C11orf24: variants seen among roughly 807,000 people sequenced by gnomAD.
C11orf24 encodes uncharacterized protein C11orf24.
C11orf24 carries 5 observed loss-of-function variants against 7.3 expected under a neutral mutation model. The ratio of observed to expected loss-of-function variants is 0.69; its 90% confidence interval spans 0.36 to 1.45. C11orf24 has a LOEUF of 1.45. C11orf24 is among the 40% of genes most tolerant of loss of function. C11orf24 has a pLI of 0.03. For synonymous variants in C11orf24, 233 were observed against 235.7 expected, an observed-to-expected ratio of 0.99 and a Z score of 0.11; for missense variants, 566 against 590.5, an observed-to-expected ratio of 0.96 and a Z score of 0.43.
chr11:68,269,383 A>G (rs2098566758), intron 1 of C11orf24, among the ~76,000 whole-genome samples: 1 of 152,188 alleles, frequency 6.6e-6, no homozygotes, highest in African/African-American at 2.4e-5. Context: ...ACCGGCACAA[A>G]TGCTTCTCTC....
At chr11:68,271,136 C>G (rs771545748) in intron 1 of C11orf24, among the ~76,000 whole-genome samples, 2 of 152,152 alleles carry the variant, frequency 1.3e-5, no homozygotes, top group Non-Finnish European at 2.9e-5. Flanking sequence ...ATTTTCCTAG[C>G]TGATTTTATC....
chr11:68,265,225 G>T (rs1275129143), intron 2 of C11orf24, among the ~76,000 whole-genome samples: 1 of 152,226 alleles, frequency 6.6e-6, no homozygotes, highest in Non-Finnish European at 1.5e-5. Context: ...GAGCCATGTG[G>T]CAGTTTAGAT....
intron 2 of C11orf24, among the ~76,000 whole-genome samples, chr11:68,264,633 TCCAC>T (rs2098563965): frequency 5.8e-5 from 2 of 34,596 alleles, no homozygotes; most frequent in Non-Finnish European, 6.4e-5. Context: ...CACCCATCCA[TCCAC>T]CCACTCATCC....
rs758351924 is a variant in C11orf24, at chr11:68,262,902, G to C, written c.93C>G (p.Asn31Lys). The change falls in exon 4 of 4, where the codon AAC becomes AAG. Residue 31 changes from asparagine (N) to lysine (K), a missense_variant. By Grantham distance (94) the Asn-to-Lys change is moderately conservative. Coordinates refer to ENST00000304271, the MANE Select transcript of C11orf24 (RefSeq NM_022338.4). ...ASNDPRNFVP[N>K]KMWKGLVKRN... is the part of the protein sequence containing the mutation. ...TCTTGACTAATCCCTTCCACATTTT[G>C]TTAGGGACAAAGTTGCCTTAAAGTC... 2.5e-5 allele frequency: 40 copies of C among 1,613,318 alleles called. No individual in the cohort carries two copies. The highest frequency in any genetic ancestry group is 3.4e-5 in the Non-Finnish European group (40 of 1,179,722).
chr11:68,271,967 G>C lies in C11orf24; in HGVS notation c.-408C>G, dbSNP rs922860505. On this transcript the variant is annotated 5_prime_UTR_variant, in exon 1 of 4. Transcript: ENST00000304271. The stretch of plus-strand genomic sequence containing the variant: ...CGCAACCCAGGCAGCTCCGGGCAGC[G>C]CGCCCTGCCCGGGCCCCGCCCAAAC... 2 of 152,270 alleles carry C rather than the reference G, an allele frequency of 1.3e-5. No homozygotes were observed. The highest frequency in any genetic ancestry group is 3.9e-4 in the East Asian group (2 of 5,164). 9.4% of individuals were successfully genotyped at this position (152,270 alleles called of 1,614,324 possible). A position where few individuals can be genotyped will look rare whatever the true frequency, so the allele number is the denominator to read the frequency against.
intron 2 of C11orf24, among the ~76,000 whole-genome samples, chr11:68,264,640 ACT>A (rs1432958700): frequency 1.6e-4 from 4 of 24,932 alleles, no homozygotes; most frequent in Non-Finnish European, 3.0e-4. Context: ...CCATCCACCC[ACT>A]CATCCATCCA....
rs746338173 is a variant in C11orf24, at chr11:68,261,621, C to A, written c.*24G>T. On this transcript the variant is annotated 3_prime_UTR_variant, in exon 4 of 4. Transcript: ENST00000304271. ...AGGAAAGGACGAGGAAGGGGCCAGG[C>A]CTCCCGCCAGGCCCCCGCCCCCCTC... The A allele has an allele frequency of 3.8e-6, 6 of 1,582,318 alleles. No individual in the cohort carries two copies. Among genetic ancestry groups the A allele is most frequent in the Non-Finnish European group, 5.2e-6 (6 of 1,159,720 alleles).
Position 68,268,166 on chromosome 11 carries a change from C to G in C11orf24, c.-212G>C, listed in dbSNP as rs1203121955. 1 of 152,396 alleles carries G rather than the reference C, an allele frequency of 6.6e-6. No homozygotes were observed. Among genetic ancestry groups the G allele is most frequent in the African/African-American group, 2.4e-5 (1 of 41,462 alleles). The allele number at this position is 152,396 out of a possible 1,614,324, so 9.4% of individuals were successfully genotyped here. A position where few individuals can be genotyped will look rare whatever the true frequency, so the allele number is the denominator to read the frequency against. The stretch of plus-strand genomic sequence containing the variant: ...GTCTGGCTTTGCAGGGGGTGAAAGC[C>G]ACGTGGTGGGGCACTCCCGGGCCAT... On this transcript the variant is annotated 5_prime_UTR_variant, in exon 2 of 4. Coordinates refer to ENST00000304271, the MANE Select transcript of C11orf24 (RefSeq NM_022338.4).
intron 1 of C11orf24, among the ~76,000 whole-genome samples, chr11:68,271,251 C>T (rs538592045): frequency 6.6e-6 from 1 of 152,262 alleles, no homozygotes; most frequent in South Asian, 2.1e-4. Context: ...GTGTGGAGGC[C>T]GATTCCTCCT....
At chr11:68,263,586 G>T in intron 3 of C11orf24, 106 bp downstream of exon 3, 1 of 1,025,044 alleles carries the variant, frequency 9.8e-7, no homozygotes, top group South Asian at 1.5e-5. Context: ...GGAGGGCTGC[G>T]GTTCCTGACG....
Position 68,262,498 on chromosome 11 carries a change from A to T in C11orf24, c.497T>A (p.Leu166His), listed in dbSNP as rs78460342. Reference sequence around the variant, plus strand: ...TGTGGAAGTGGACGTGGGCGCGGGGAGTGCAAGTGTCATGGGAGTGCTGGA... The same window carrying T: ...TGTGGAAGTGGACGTGGGCGCGGGGTGTGCAAGTGTCATGGGAGTGCTGGA... ...AASSTPMTLALPAPTSTSTGR... is the reference protein window; with the variant it reads ...AASSTPMTLAHPAPTSTSTGR... The change falls in exon 4 of 4, where the codon CTC becomes CAC. Residue 166 changes from leucine to histidine, a missense_variant. Leu to His is a moderately conservative substitution (Grantham distance 99). Coordinates refer to ENST00000304271, the MANE Select transcript of C11orf24 (RefSeq NM_022338.4). 1 of 1,613,828 alleles carries T rather than the reference A, an allele frequency of 6.2e-7. No homozygotes were observed. The highest frequency in any genetic ancestry group is 1.1e-5 in the South Asian group (1 of 91,070).
intron 1 of C11orf24, among the ~76,000 whole-genome samples, chr11:68,269,395 T>C (rs2098566763): frequency 6.6e-6 from 1 of 152,218 alleles, no homozygotes; most frequent in African/African-American, 2.4e-5. Context: ...GCTTCTCTCA[T>C]TGATGAATAT....
intron 2 of C11orf24, among the ~76,000 whole-genome samples, chr11:68,266,232 C>T (rs774367089): frequency 3.9e-5 from 6 of 152,068 alleles, no homozygotes; most frequent in Admixed American, 3.3e-4. Flanking sequence ...TGGGATCACA[C>T]GGGCAAGGAC....
chr11:68,264,533 T>TCCACCCAC (rs1231028104), intron 2 of C11orf24, among the ~76,000 whole-genome samples: 5 of 104,900 alleles, frequency 4.8e-5, no homozygotes, highest in African/African-American at 1.1e-4. Flanking sequence ...CATCCATCCA[T>TCCACCCAC]CCATCCATCC....
chr11:68,261,762 G>A lies in C11orf24; in HGVS notation c.1233C>T (p.Thr411=), dbSNP rs147687907. 6.2e-7 allele frequency: 1 copy of A among 1,614,206 alleles called. No individual in the cohort carries two copies. Among genetic ancestry groups the A allele is most frequent in the Non-Finnish European group, 8.5e-7 (1 of 1,180,052 alleles). ...LLLVVLLLGV[T]LFITVLVLFA... ...ACAAAACCAAGACTGTGATGAAAAG[G>A]GTCACCCCGAGTAACAGCACCACCA... is the stretch of plus-strand genomic sequence containing the variant. The change falls in exon 4 of 4, where the codon ACC becomes ACT. Residue 411 remains threonine (T), a synonymous_variant. Coordinates refer to ENST00000304271, the MANE Select transcript of C11orf24 (RefSeq NM_022338.4).
At position 68,262,648 on chromosome 11, in the gene C11orf24, G is replaced by A. The variant is rs150492129; in HGVS notation, c.347C>T (p.Ala116Val). The A allele has an allele frequency of 1.1e-4, 180 of 1,613,758 alleles. No homozygotes were observed. In the African/African-American group the frequency reaches 1.4e-3, roughly 13 times the overall value. ...GGAGGCCGCAGTCGTAATGGAGGCCGCAGTCGTACTGGAGGCCACAGCCGT... is the reference window on the plus strand; with the variant it reads ...GGAGGCCGCAGTCGTAATGGAGGCCACAGTCGTACTGGAGGCCACAGCCGT... ...APTAVASSTT[A>V]ASITTAASSM... The change falls in exon 4 of 4, where the codon GCG (alanine) becomes GTG (valine). Residue 116 changes from alanine (A) to valine (V), a missense_variant. Coordinates refer to ENST00000304271, the MANE Select transcript of C11orf24 (RefSeq NM_022338.4).
intron 2 of C11orf24, among the ~76,000 whole-genome samples, chr11:68,264,084 G>T (rs562529751): frequency 2.1e-3 from 321 of 152,222 alleles, no homozygotes; most frequent in African/African-American, 7.4e-3. Context: ...ATTTCACTAT[G>T]AATCTCAACC....
intron 2 of C11orf24, chr11:68,267,832 C>A: frequency 6.6e-6 from 1 of 152,338 alleles, no homozygotes; most frequent in South Asian, 2.1e-4. Context: ...CAGCCTGGAC[C>A]ACAGAACCAG....
chr11:68,262,556 G>C lies in C11orf24; in HGVS notation c.439C>G (p.Pro147Ala). ...ASSTTVASIA[P>A]TTAASSMTAA... Reference sequence around the variant, plus strand: ...GTCATACTGGAGGCTGCAGTCGTGGGAGCAATGGAGGCCACAGTTGTACTG... The same window carrying C: ...GTCATACTGGAGGCTGCAGTCGTGGCAGCAATGGAGGCCACAGTTGTACTG... The change falls in exon 4 of 4, where the codon CCC becomes GCC. Residue 147 changes from proline to alanine, a missense_variant. Pro to Ala is a conservative substitution (Grantham distance 27). Transcript: ENST00000304271. 11 of 1,609,848 alleles carry C rather than the reference G, an allele frequency of 6.8e-6. No homozygotes were observed. The highest frequency in any genetic ancestry group is 9.3e-6 in the Non-Finnish European group (11 of 1,176,936).
Sources: allele counts gnomAD v4.1 joint callset (sites outside exome capture counted in the v4.1 genomes callset), GRCh38; gene constraint gnomAD v4.1.1; transcripts MANE v1.5; gene names NCBI Gene and HGNC (gene_info 2026-07-23, HGNC 2026-07-21).